The following HVCN1 variants were observed in gnomAD, a reference collection of about 807,000 sequenced individuals.
The protein encoded by HVCN1 is voltage-gated hydrogen channel 1.
Under a neutral mutation model 29.2 loss-of-function variants are expected in HVCN1, and 14 were observed. The ratio of observed to expected loss-of-function variants is 0.48; its 90% CI spans 0.32 to 0.75. The LOEUF (loss-of-function observed/expected upper bound fraction) is 0.75. HVCN1 is among the 30% of genes least tolerant of loss of function. The pLI, the probability that HVCN1 is intolerant of heterozygous loss-of-function variation, is 0.04. For synonymous variants in HVCN1, 131 were observed against 133.2 expected (o/e 0.98, Z 0.11); for missense variants, 263 against 341.8 (o/e 0.77, Z 1.82).
At chr12:110,699,395 C>G (rs2069538968) in intron 2 of HVCN1, among the ~76,000 whole-genome samples, 1 of 152,124 alleles carries the variant, frequency 6.6e-6, no homozygotes, top group African/African-American at 2.4e-5. Context: ...TGGGCTCCTG[C>G]AGCAGAGAAG....
chr12:110,703,207 C>CAAAAAAAAAAA (rs758737358), intron 1 of HVCN1, among the ~76,000 whole-genome samples: 1 of 98,784 alleles, frequency 1.0e-5, no homozygotes, highest in African/African-American at 3.6e-5. Context: ...ATGTCTCTAC[C>CAAAAAAAAAAA]AAAAAAAAAA....
At chr12:110,693,025 C>T (rs767554041), upstream of HVCN1, among the ~76,000 whole-genome samples, 3 of 151,920 alleles carry the variant, frequency 2.0e-5, no homozygotes, top group Non-Finnish European at 4.4e-5. Flanking sequence ...GCTACTGTAC[C>T]CAGCTAATTT....
chr12:110,662,682 G>T (rs1277016710), intron 3 of HVCN1, among the ~76,000 whole-genome samples: 1 of 152,174 alleles, frequency 6.6e-6, no homozygotes, highest in Non-Finnish European at 1.5e-5. Flanking sequence ...TCCAGCCTGG[G>T]CAACAGGTTG....
chr12:110,678,734 G>T (rs2136409711), intron 3 of HVCN1, among the ~76,000 whole-genome samples: 1 of 152,242 alleles, frequency 6.6e-6, no homozygotes, highest in East Asian at 1.9e-4. Flanking sequence ...TTACAGGTGT[G>T]AGCCACTGCA....
At chr12:110,702,900 C>T (rs181929267) in intron 1 of HVCN1, among the ~76,000 whole-genome samples, 337 of 151,832 alleles carry the variant, frequency 2.2e-3, no homozygotes, top group African/African-American at 3.6e-3. Flanking sequence ...GTGATCTGCC[C>T]GCCTCGGCCT....
At chr12:110,704,618 A>G (rs2136519336) in intron 1 of HVCN1, among the ~76,000 whole-genome samples, 1 of 152,340 alleles carries the variant, frequency 6.6e-6, no homozygotes, top group East Asian at 1.9e-4. Context: ...TGATTGTGCC[A>G]CTGCACTATA....
At chr12:110,664,154 A>G (rs2068268755) in intron 3 of HVCN1, among the ~76,000 whole-genome samples, 1 of 152,166 alleles carries the variant, frequency 6.6e-6, no homozygotes, top group African/African-American at 2.4e-5. Context: ...TCCTAGGCTA[A>G]AACAACCTTC....
At chr12:110,673,069 C>T (rs746891204) in intron 3 of HVCN1, among the ~76,000 whole-genome samples, 1 of 152,128 alleles carries the variant, frequency 6.6e-6, no homozygotes, top group Non-Finnish European at 1.5e-5. Context: ...GTTTGGAGGG[C>T]TCAGAAGAAG....
At chr12:110,703,887 G>A (rs2069584554) in intron 1 of HVCN1, among the ~76,000 whole-genome samples, 1 of 152,126 alleles carries the variant, frequency 6.6e-6, no homozygotes, top group Admixed American at 6.6e-5. Flanking sequence ...GTTTCACTAT[G>A]TTGGCCAGGC....
chr12:110,695,370 G>GTA lies in HVCN1; in HGVS notation c.-103-6664_-103-6663dup, dbSNP rs1473110384. 1.7e-4 allele frequency among the ~76,000 whole-genome samples: 23 copies of GTA among 138,488 alleles called. No individual in the cohort carries two copies. The East Asian group carries it at 3.8e-3, about 23-fold the overall frequency. 90.9% of individuals were successfully genotyped at this position (138,488 alleles called of 152,430 possible). A position where few individuals can be genotyped will look rare whatever the true frequency, so the allele number is the denominator to read the frequency against. On this transcript the variant is annotated intron_variant, in intron 2 of 4. Transcript: ENST00000546713. ...ATTACATATATTTTGTTTATTTTGT[G>GTA]TACACACACACACACACACACACAC...
At chr12:110,663,604 A>G (rs2068250807) in intron 3 of HVCN1, among the ~76,000 whole-genome samples, 1 of 151,176 alleles carries the variant, frequency 6.6e-6, no homozygotes, top group Admixed American at 6.6e-5. Flanking sequence ...AAAAAAAAAA[A>G]AAAAAAAAAG....
At chr12:110,665,205 T>C (rs1458404551) in intron 3 of HVCN1, among the ~76,000 whole-genome samples, 2 of 152,120 alleles carry the variant, frequency 1.3e-5, no homozygotes, top group Non-Finnish European at 2.9e-5. Flanking sequence ...CAATTAAAAT[T>C]ACTAGACACA....
chr12:110,658,536 C>T lies in HVCN1; in HGVS notation c.306+2628G>A, dbSNP rs142252362. On this transcript the variant is annotated intron_variant, in intron 4 of 7. Transcript: ENST00000242607. This position sits in a 1 kb window ranked among gnomAD's most constrained non-coding sequence, Gnocchi z 5.0. ...TCCAATGCTGCAGGTCCTTGGCAAA[C>T]GAAGCCCCTCTACCTGGAAGCCTCC... Among the ~76,000 whole-genome samples, 39 of 152,290 alleles carry T rather than the reference C, an allele frequency of 2.6e-4. No homozygotes were observed. The highest frequency in any genetic ancestry group is 4.1e-4 in the Non-Finnish European group (28 of 68,028).
chr12:110,688,401 T>A (rs1221862119), intron 2 of HVCN1: 6 of 152,252 alleles, frequency 3.9e-5, no homozygotes, highest in Admixed American at 3.9e-4. Flanking sequence ...CCCCAATCAC[T>A]CTTGTTCCTC....
rs773692686 is a variant in HVCN1, at chr12:110,650,279, C to A, written c.645G>T (p.Gly215=). The part of the protein sequence containing the change: ...RLWRVARIIN[G]IIISVKTRSE... ...AACGTGTCTTAACTGAGATGATAAT[C>A]CCTGAAATAAAATTGGGGGTCTCAG... Residue 215 remains glycine (G), a splice_region_variant and synonymous_variant, in exon 7 of 8, where the codon GGG becomes GGT. Transcript: ENST00000242607. The A allele has an allele frequency of 9.4e-6, 15 of 1,597,614 alleles. No individual in the cohort carries two copies. In the East Asian group the frequency reaches 3.1e-4, roughly 33 times the overall value.
chr12:110,696,730 C>T (rs568999797), intron 2 of HVCN1, among the ~76,000 whole-genome samples: 64 of 152,204 alleles, frequency 4.2e-4, no homozygotes, highest in Middle Eastern at 6.8e-3. Context: ...TGTTTTCAAG[C>T]GTCATCCATG....
intron 3 of HVCN1, chr12:110,683,024 A>G (rs927521351): frequency 3.1e-5 from 20 of 651,198 alleles, no homozygotes; most frequent in South Asian, 1.6e-4. Flanking sequence ...TGGGATTCAA[A>G]TGGTCTGATG....
chr12:110,671,557 C>T (rs961454943), intron 3 of HVCN1, among the ~76,000 whole-genome samples: 3 of 152,148 alleles, frequency 2.0e-5, no homozygotes, highest in African/African-American at 7.2e-5. Context: ...TGAAGCCCCC[C>T]AGTTTGTAGT....
intron 6 of HVCN1, among the ~76,000 whole-genome samples, chr12:110,650,869 T>C (rs2067782086): frequency 6.6e-6 from 1 of 151,980 alleles, no homozygotes; most frequent in Non-Finnish European, 1.5e-5. Context: ...GATGTTTGTA[T>C]TTTTTGTTTT....
Sources: allele counts gnomAD v4.1 joint callset (sites outside exome capture counted in the v4.1 genomes callset), GRCh38; gene constraint gnomAD v4.1.1; non-coding constraint Gnocchi (gnomAD v3.1); transcripts MANE v1.5; gene names NCBI Gene and HGNC (gene_info 2026-07-23, HGNC 2026-07-21).